The following PDE3B variants were observed in gnomAD, a reference collection of about 807,000 sequenced individuals.
The protein encoded by PDE3B is cGMP-inhibited 3',5'-cyclic phosphodiesterase 3B.
PDE3B carries 66 observed loss-of-function variants against 116.8 expected under a neutral mutation model. The ratio of observed to expected loss-of-function variants is 0.56; its 90% CI spans 0.46 to 0.69. The LOEUF (loss-of-function observed/expected upper bound fraction) is 0.69, where lower values mean the gene tolerates loss of function less well. PDE3B is among the 30% of genes least tolerant of loss of function. The pLI is 0.00. For missense variants in PDE3B, 1,384 were observed against 1,368.1 expected (o/e 1.01, Z -0.18); for synonymous variants, 595 against 533.6 (o/e 1.12, Z -1.59).
At chr11:14,837,289 T>C (rs1860085979) in intron 11 of PDE3B, among the ~76,000 whole-genome samples, 1 of 152,252 alleles carries the variant, frequency 6.6e-6, no homozygotes, top group Non-Finnish European at 1.5e-5. Flanking sequence ...GTAGTCTGGA[T>C]AGGCTGAGAA....
At chr11:14,670,905 C>T (rs1253113817) in intron 1 of PDE3B, among the ~76,000 whole-genome samples, 1 of 151,496 alleles carries the variant, frequency 6.6e-6, no homozygotes, top group Non-Finnish European at 1.5e-5. Context: ...GACAGAGTCT[C>T]ACCATGTTCC....
At chr11:14,708,456 A>G (rs969066196) in intron 1 of PDE3B, among the ~76,000 whole-genome samples, 5 of 152,126 alleles carry the variant, frequency 3.3e-5, no homozygotes, top group Non-Finnish European at 5.9e-5. Context: ...ATAAATATAT[A>G]TAAGTATTTA....
chr11:14,852,812 G>A lies in PDE3B; in HGVS notation c.2521-6231G>A, dbSNP rs113553776. ...GCTGTGGCTCACACCTGTAATCTCAGTGCTTTGGGTGGCTGAGACATGAGG... is the reference window on the plus strand; with the variant it reads ...GCTGTGGCTCACACCTGTAATCTCAATGCTTTGGGTGGCTGAGACATGAGG... On this transcript the variant is annotated intron_variant, in intron 12 of 15. Transcript: ENST00000282096. Among the ~76,000 whole-genome samples the A allele has an allele frequency of 4.7e-3, 714 of 152,230 alleles. 4 individuals carry two copies. Among genetic ancestry groups the A allele is most frequent in the African/African-American group, 0.016 (651 of 41,520 alleles).
chr11:14,775,617 A>G (rs1403177014), intron 2 of PDE3B: 2 of 152,320 alleles, frequency 1.3e-5, no homozygotes. Context: ...GGCTCACCGC[A>G]ACCTCCAGCT....
chr11:14,644,570 C>G lies in PDE3B; in HGVS notation c.495C>G (p.Asp165Glu). 1.9e-6 allele frequency: 3 copies of G among 1,591,470 alleles called. No homozygotes were observed. The highest frequency in any genetic ancestry group is 2.6e-6 in the Non-Finnish European group (3 of 1,169,262). ...TGCCCGCCTGCTGTTACCTGGGGGA[C>G]TTCTTGGTGTGGCAGTGGTGGTCTT... is the stretch of plus-strand genomic sequence containing the variant. The part of the protein sequence containing the change: ...LALPACCYLG[D>E]FLVWQWWSWP... The change falls in exon 1 of 16, where the codon GAC (aspartate) becomes GAG (glutamate). Residue 165 changes from aspartate to glutamate, a missense_variant. Coordinates refer to ENST00000282096, the MANE Select transcript of PDE3B (RefSeq NM_000922.4).
chr11:14,656,242 T>A (rs925257452), intron 1 of PDE3B, among the ~76,000 whole-genome samples: 8 of 152,188 alleles, frequency 5.3e-5, no homozygotes, highest in Admixed American at 5.2e-4. Context: ...AGAGCTTGAC[T>A]ATTGATTAAT....
Position 14,867,552 on chromosome 11 carries a change from A to C in PDE3B, c.2933A>C (p.Asp978Ala). 6.2e-7 allele frequency: 1 copy of C among 1,614,022 alleles called. No homozygotes were observed. Among genetic ancestry groups the C allele is most frequent in the Non-Finnish European group, 8.5e-7 (1 of 1,179,896 alleles). The change falls in exon 15 of 16, where the codon GAT (aspartate) becomes GCT (alanine). Residue 978 changes from aspartate (D) to alanine (A), a missense_variant. By Grantham distance (126) the Asp-to-Ala change is moderately radical. This residue lies in a region of PDE3B where 428 missense variants were observed against 561.4 expected (regional missense o/e 0.76). Transcript: ENST00000282096. ...NLGLPISPFMDRSSPQLAKLQ... is the reference protein window; with the variant it reads ...NLGLPISPFMARSSPQLAKLQ... ...GGTCTGCCCATCAGTCCATTCATGG[A>C]TCGTTCTTCTCCTCAACTAGCAAAA...
At chr11:14,754,508 A>C (rs1302627033) in intron 1 of PDE3B, among the ~76,000 whole-genome samples, 1 of 152,194 alleles carries the variant, frequency 6.6e-6, no homozygotes, top group African/African-American at 2.4e-5. Context: ...CTCTGTAGTA[A>C]ATCCTTTGGA....
At chr11:14,765,476 A>G (rs1486676496) in intron 1 of PDE3B, among the ~76,000 whole-genome samples, 2 of 151,888 alleles carry the variant, frequency 1.3e-5, no homozygotes, top group Non-Finnish European at 2.9e-5. Flanking sequence ...CAACTTTTTA[A>G]CCATAAAGAA....
In PDE3B at chr11:14,786,692, A is replaced by G; in HGVS notation, c.1278+7A>G. 1.9e-6 allele frequency: 3 copies of G among 1,601,920 alleles called. No individual in the cohort carries two copies. Among genetic ancestry groups the G allele is most frequent in the South Asian group, 1.1e-5 (1 of 90,814 alleles). ...GGATAGAAAACTTAACAAGGTCGAA[A>G]TACAGTAATCATCTAACCCTATTTA... is the stretch of plus-strand genomic sequence containing the variant. On this transcript the variant is annotated splice_region_variant and intron_variant, in intron 3 of 15. Coordinates refer to ENST00000282096, the MANE Select transcript of PDE3B (RefSeq NM_000922.4).
At chr11:14,812,981 C>A (rs565492585) in intron 5 of PDE3B, among the ~76,000 whole-genome samples, 3 of 152,274 alleles carry the variant, frequency 2.0e-5, no homozygotes, top group South Asian at 4.2e-4. Context: ...GCTCTCTAAT[C>A]CCTTCCGCCA....
At chr11:14,886,140 T>TGAA in the PDE3B span, 1 of 548,774 alleles carries the variant, frequency 1.8e-6, no homozygotes. Context: ...GTCACAGTCT[T>TGAA]ACCAACAGTA....
intron 1 of PDE3B, among the ~76,000 whole-genome samples, chr11:14,717,704 A>C (rs1855950295): frequency 7.4e-6 from 1 of 135,384 alleles, no homozygotes; most frequent in Admixed American, 7.6e-5. Flanking sequence ...AAAATACTTT[A>C]CAGACAAGCA....
At chr11:14,749,832 AAT>A (rs1240792174) in intron 1 of PDE3B, among the ~76,000 whole-genome samples, 10 of 140,808 alleles carry the variant, frequency 7.1e-5, no homozygotes, top group Admixed American at 1.5e-4. Context: ...ATATCCCATA[AAT>A]ATATATATAT....
chr11:14,707,570 A>G (rs1855570409), intron 1 of PDE3B, among the ~76,000 whole-genome samples: 1 of 152,022 alleles, frequency 6.6e-6, no homozygotes. Context: ...AGTATAATAA[A>G]ATAAATAATC....
At position 14,867,630 on chromosome 11, in the gene PDE3B, A is replaced by C. The variant is rs904603006; in HGVS notation, c.3011A>C (p.Asp1004Ala). Residue 1004 changes from aspartate to alanine, a missense_variant, in exon 15 of 16, where the codon GAT becomes GCT. Physicochemically the swap from Asp to Ala is moderately radical, Grantham distance 126. This residue lies in a region of PDE3B where 428 missense variants were observed against 561.4 expected (regional missense o/e 0.76). Transcript: ENST00000282096. ...HIVGPLCNSY[D>A]AAGLLPGQWL... Reference sequence around the variant, plus strand: ...GTGGGTCCCCTGTGTAACTCCTATGATGCTGCTGGTTTGCTACCAGGTCAG... The same window carrying C: ...GTGGGTCCCCTGTGTAACTCCTATGCTGCTGCTGGTTTGCTACCAGGTCAG... The C allele has an allele frequency of 6.2e-7, 1 of 1,614,118 alleles. No homozygotes were observed.
chr11:14,649,841 C>T (rs565772085), intron 1 of PDE3B, among the ~76,000 whole-genome samples: 20 of 152,206 alleles, frequency 1.3e-4, no homozygotes, highest in African/African-American at 3.6e-4. Context: ...TTGCCTGCTT[C>T]GCTTAAAGGC....
At chr11:14,656,654 C>G (rs1184346181) in intron 1 of PDE3B, among the ~76,000 whole-genome samples, 3 of 152,112 alleles carry the variant, frequency 2.0e-5, no homozygotes, top group African/African-American at 7.2e-5. Context: ...CAGTACCTAT[C>G]TTATTGATGT....
At chr11:14,885,736 A>G in the PDE3B span, 5 of 1,598,044 alleles carry the variant, frequency 3.1e-6, no homozygotes, top group Non-Finnish European at 3.4e-6. Flanking sequence ...GTGATTTAAA[A>G]TATCTTAGTA....
Sources: gnomAD v4.1 joint callset for allele counts (sites outside exome capture counted in the v4.1 genomes callset) on GRCh38, gnomAD v4.1.1 for gene constraint, gnomAD v4.1.1 regional missense constraint, MANE v1.5 for transcripts, NCBI Gene and HGNC (gene_info 2026-07-23, HGNC 2026-07-21) for gene names.